Variants in CHCHD6 observed in about 807,000 individuals in gnomAD.
CHCHD6 encodes the protein coiled-coil-helix-coiled-coil-helix domain containing 6.
A neutral mutation model predicts 32.3 loss-of-function variants in CHCHD6; 28 were observed. The observed-to-expected ratio is 0.87, with a 90% confidence interval of 0.64 to 1.19. CHCHD6 has a LOEUF of 1.19. Ranked by LOEUF, CHCHD6 falls within the 50% of genes most tolerant of loss-of-function variation. The pLI, the probability that CHCHD6 is intolerant of heterozygous loss-of-function variation, is 0.00. For missense variants in CHCHD6, 333 were observed against 307.0 expected (o/e 1.08, Z -0.63); for synonymous variants, 122 against 117.5 (o/e 1.04, Z -0.25).
chr3:126,896,353 A>G (rs937590410), intron 5 of CHCHD6, among the ~76,000 whole-genome samples: 19 of 152,174 alleles, frequency 1.2e-4, no homozygotes, highest in African/African-American at 3.9e-4. Flanking sequence ...AGTCTTCTCA[A>G]TAAAATGAAC....
chr3:126,935,545 G>A (rs554543386), intron 6 of CHCHD6, among the ~76,000 whole-genome samples: 3 of 152,324 alleles, frequency 2.0e-5, no homozygotes, highest in East Asian at 1.9e-4. Context: ...ACAGAAAGGC[G>A]TTCTGCACTC....
intron 5 of CHCHD6, among the ~76,000 whole-genome samples, chr3:126,906,857 C>G (rs1384818415): frequency 6.6e-6 from 1 of 152,192 alleles, no homozygotes; most frequent in African/African-American, 2.4e-5. Flanking sequence ...GTTTTTCTCC[C>G]TGGACCAATG....
chr3:126,733,404 C>T (rs1935902877), intron 4 of CHCHD6, among the ~76,000 whole-genome samples, 182 bp downstream of exon 4: 1 of 152,190 alleles, frequency 6.6e-6, no homozygotes, highest in South Asian at 2.1e-4. Context: ...TTCTCCCAGC[C>T]CTGGCTCTGT....
chr3:126,800,140 T>G (rs1170444499), intron 4 of CHCHD6, among the ~76,000 whole-genome samples: 1 of 152,212 alleles, frequency 6.6e-6, no homozygotes, highest in African/African-American at 2.4e-5. Flanking sequence ...TCAACTCATA[T>G]GCACATTTAA....
chr3:126,824,510 G>A (rs1436366749), intron 4 of CHCHD6, among the ~76,000 whole-genome samples: 2 of 115,230 alleles, frequency 1.7e-5, no homozygotes, highest in African/African-American at 6.8e-5. Context: ...GCAGTGAGCC[G>A]AGATCAAGCC....
chr3:126,763,437 C>A (rs1252745391), intron 4 of CHCHD6, among the ~76,000 whole-genome samples: 1 of 152,026 alleles, frequency 6.6e-6, no homozygotes, highest in Non-Finnish European at 1.5e-5. Context: ...CACAAGCCTG[C>A]CTCAGCCTCC....
intron 5 of CHCHD6, among the ~76,000 whole-genome samples, chr3:126,874,380 C>A (rs142273076): frequency 0.013 from 1,926 of 152,226 alleles, 47 homozygotes; most frequent in African/African-American, 0.043. Flanking sequence ...AGAGCACAGG[C>A]CAGATTAGAT....
intron 4 of CHCHD6, among the ~76,000 whole-genome samples, chr3:126,831,179 A>G (rs1940624978): frequency 6.6e-6 from 1 of 152,100 alleles, no homozygotes; most frequent in South Asian, 2.1e-4. Context: ...GCCCGCCACC[A>G]TGCCTGGCTA....
At chr3:126,795,949 A>T (rs573597881) in intron 4 of CHCHD6, among the ~76,000 whole-genome samples, 9 of 152,180 alleles carry the variant, frequency 5.9e-5, no homozygotes, top group Non-Finnish European at 1.3e-4. Context: ...CACTCAGGTG[A>T]TAGCTCATAG....
At chr3:126,887,486 T>A (rs538804984) in intron 5 of CHCHD6, among the ~76,000 whole-genome samples, 13 of 152,252 alleles carry the variant, frequency 8.5e-5, no homozygotes, top group Non-Finnish European at 2.9e-5. Flanking sequence ...TGTGGGAAGA[T>A]CTGGCTTGGC....
intron 1 of CHCHD6, among the ~76,000 whole-genome samples, chr3:126,722,260 A>G (rs1935338581): frequency 6.6e-6 from 1 of 152,194 alleles, no homozygotes; most frequent in Non-Finnish European, 1.5e-5. Flanking sequence ...GGCTCAAGCA[A>G]TCCTTTTGCC....
At position 126,886,661 on chromosome 3, in the gene CHCHD6, T is replaced by C. The variant is rs556375444; in HGVS notation, c.496-28019T>C. ...CCCTCACAACTGCACAGAGAGCAAA[T>C]AGACTTAGAACCTGAAGGGCATCAG... On this transcript the variant is annotated intron_variant, in intron 5 of 7. Transcript: ENST00000290913. Among the ~76,000 whole-genome samples, 4 of 152,212 alleles carry C rather than the reference T, an allele frequency of 2.6e-5. No individual in the cohort carries two copies. The South Asian group carries it at 8.3e-4, about 32-fold the overall frequency.
intron 6 of CHCHD6, among the ~76,000 whole-genome samples, chr3:126,921,753 G>A (rs1269187516): frequency 6.6e-6 from 1 of 152,216 alleles, no homozygotes; most frequent in African/African-American, 2.4e-5. Context: ...AGCTGCTGTA[G>A]TGCTTTCACC....
At chr3:126,880,497 C>CCCAAGCA (rs1476390772) in intron 5 of CHCHD6, among the ~76,000 whole-genome samples, 1 of 152,162 alleles carries the variant, frequency 6.6e-6, no homozygotes, top group Non-Finnish European at 1.5e-5. Flanking sequence ...GATTCCCACA[C>CCCAAGCA]CCAAGCACCT....
chr3:126,952,911 C>A (rs1316570250), intron 6 of CHCHD6: 1 of 955,290 alleles, frequency 1.0e-6, no homozygotes, highest in African/African-American at 1.8e-5. Flanking sequence ...GCCTGCTTGC[C>A]AGGGACCAGG....
chr3:126,827,788 C>T (rs1338812830), intron 4 of CHCHD6, among the ~76,000 whole-genome samples: 1 of 152,222 alleles, frequency 6.6e-6, no homozygotes, highest in African/African-American at 2.4e-5. Flanking sequence ...AACAAGCTTT[C>T]ATCCCAGCAA....
chr3:126,948,429 C>T (rs1407607205), intron 6 of CHCHD6, among the ~76,000 whole-genome samples: 5 of 152,190 alleles, frequency 3.3e-5, no homozygotes. Flanking sequence ...CCCCATAGTG[C>T]CTCCTCCCTG....
At chr3:126,901,957 A>T (rs2077934628) in intron 5 of CHCHD6, among the ~76,000 whole-genome samples, 1 of 152,344 alleles carries the variant, frequency 6.6e-6, no homozygotes, top group Admixed American at 6.5e-5. Context: ...GATCTCCTAG[A>T]TAGCTACTCC....
chr3:126,714,076 CAAAAAAAAAAAAAAAAAA>C (rs1157910763), intron 1 of CHCHD6, among the ~76,000 whole-genome samples: 1 of 28,880 alleles, frequency 3.5e-5, no homozygotes. Flanking sequence ...GACTGCATCT[CAAAAAAAAAAAAAAAAAA>C]AAAAAAAAAG....
Sources: gnomAD v4.1 joint callset for allele counts (sites outside exome capture counted in the v4.1 genomes callset) on GRCh38, gnomAD v4.1.1 for gene constraint, MANE v1.5 for transcripts, NCBI Gene and HGNC (gene_info 2026-07-23, HGNC 2026-07-21) for gene names.